Variants in DGKH observed in about 807,000 individuals in gnomAD.
The protein encoded by DGKH is DAG kinase eta.
Under a neutral mutation model 159.3 loss-of-function variants are expected in DGKH, and 90 were observed. The observed-to-expected ratio is 0.57, with a 90% CI of 0.48 to 0.67. DGKH has a LOEUF of 0.67. DGKH is among the 30% of genes least tolerant of loss of function. The probability of loss-of-function intolerance (pLI) is 0.00; values close to 1 mark genes in which losing one functional copy is unlikely to be tolerated. For synonymous variants in DGKH, 536 were observed against 553.8 expected (o/e 0.97, Z 0.45); for missense variants, 1,181 against 1,506.1 (o/e 0.78, Z 3.57).
At chr13:42,047,333 A>G (rs1462187135), upstream of DGKH, among the ~76,000 whole-genome samples, 1 of 152,226 alleles carries the variant, frequency 6.6e-6, no homozygotes, top group Non-Finnish European at 1.5e-5. Context: ...CAAGTTAAAA[A>G]AAAAAATTAG....
intron 3 of DGKH, among the ~76,000 whole-genome samples, chr13:42,143,042 A>G (rs1256405890): frequency 6.6e-6 from 1 of 152,196 alleles, no homozygotes; most frequent in Non-Finnish European, 1.5e-5. Flanking sequence ...TTTGTCATAA[A>G]TAGCTCTTAT....
At chr13:42,174,226 T>C in intron 12 of DGKH, 82 bp downstream of exon 12, 1 of 1,133,580 alleles carries the variant, frequency 8.8e-7, no homozygotes, top group South Asian at 1.3e-5. Context: ...GAAAATGTAC[T>C]CCTAATATAT....
At position 42,163,195 on chromosome 13, in the gene DGKH, T is replaced by C. The variant is rs533066490; in HGVS notation, c.856-2136T>C. Among the ~76,000 whole-genome samples, 1,064 of 151,790 alleles carry C rather than the reference T, an allele frequency of 7.0e-3. 12 individuals carry two copies. Among genetic ancestry groups the C allele is most frequent in the Non-Finnish European group, 0.011 (723 of 67,900 alleles). ...TGTCCCTACAAAGGACATGAACTCA[T>C]CATTTTTTATGGCTGCATAGTATTC... is the stretch of plus-strand genomic sequence containing the variant. On this transcript the variant is annotated intron_variant, in intron 7 of 29. Coordinates refer to ENST00000337343, the MANE Select transcript of DGKH (RefSeq NM_178009.5).
At chr13:42,077,795 T>C (rs1255012253) in intron 1 of DGKH, among the ~76,000 whole-genome samples, 1 of 152,196 alleles carries the variant, frequency 6.6e-6, no homozygotes, top group African/African-American at 2.4e-5. Context: ...TCCAACCAAA[T>C]AGAATTAGGA....
At chr13:42,140,485 G>A (rs1340549766) in intron 3 of DGKH, 1 of 152,230 alleles carries the variant, frequency 6.6e-6, no homozygotes, top group Non-Finnish European at 1.5e-5. Context: ...CTGTGTGGAA[G>A]TAAACTTCTA....
intron 26 of DGKH, 88 bp from the exon 27 acceptor site, chr13:42,219,142 G>C (rs1303798892): frequency 1.3e-6 from 2 of 1,523,928 alleles, no homozygotes; most frequent in Non-Finnish European, 1.8e-6. Context: ...GAGTGAGGCT[G>C]TTCACTGTCA....
chr13:42,170,027 G>A (rs1418991553), intron 11 of DGKH, among the ~76,000 whole-genome samples: 1 of 151,954 alleles, frequency 6.6e-6, no homozygotes, highest in Admixed American at 6.6e-5. Context: ...TTTTTTATTT[G>A]TCAATTATAC....
intron 1 of DGKH, among the ~76,000 whole-genome samples, chr13:42,106,234 C>G (rs1421931381): frequency 6.6e-6 from 1 of 152,154 alleles, no homozygotes; most frequent in Non-Finnish European, 1.5e-5. Context: ...TCTTCAACTC[C>G]TGACCTCAGG....
At position 42,048,874 on chromosome 13, in the gene DGKH, C is replaced by T. The variant is rs1275914278; in HGVS notation, c.101C>T (p.Pro34Leu). ...ACCTCCGCCGCTGCCTCGGCGGGGC[C>T]GGGAGAGGATTCGTCTGACAGCGAA... ...AVTSAAASAG[P>L]GEDSSDSEAE... Residue 34 changes from proline (P) to leucine (L), a missense_variant, in exon 1 of 30, where the codon CCG becomes CTG. This residue lies in a region of DGKH where 136 missense variants were observed against 132.2 expected (regional missense o/e 1.03). Coordinates refer to ENST00000337343, the MANE Select transcript of DGKH (RefSeq NM_178009.5). The surrounding 1 kb of genome is among the most constrained non-coding windows in gnomAD (Gnocchi z 6.7). 13 of 1,374,610 alleles carry T rather than the reference C, an allele frequency of 9.5e-6. No homozygotes were observed. The highest frequency in any genetic ancestry group is 1.2e-5 in the Non-Finnish European group (13 of 1,059,228). The allele number at this position is 1,374,610 out of a possible 1,614,324, so 85.2% of individuals were successfully genotyped here.
rs1366395771 is a variant in DGKH at position 42,189,057 on chromosome 13, C to G, written c.1660C>G (p.Leu554Val). 6.2e-6 allele frequency: 10 copies of G among 1,614,214 alleles called. No individual in the cohort carries two copies. The highest frequency in any genetic ancestry group is 3.3e-5 in the Admixed American group (2 of 60,020). ...TCAGTGTTCAGTCCTAAACGAGAAGCTCGAACAACTGCTGCAGGCTTTGCA... is the reference window on the plus strand; with the variant it reads ...TCAGTGTTCAGTCCTAAACGAGAAGGTCGAACAACTGCTGCAGGCTTTGCA... The part of the protein sequence containing the change: ...ASKCSVLNEK[L>V]EQLLQALHTD... The change falls in exon 15 of 30, where the codon CTC (leucine) becomes GTC (valine). Residue 554 changes from leucine (L) to valine (V), a missense_variant. Around this residue, in one of 5 missense-constraint regions of DGKH, gnomAD observed 257 missense variants for 281.5 expected, o/e 0.91. Transcript: ENST00000337343.
intron 1 of DGKH, among the ~76,000 whole-genome samples, chr13:42,119,211 G>A (rs1476185650): frequency 6.6e-6 from 1 of 152,128 alleles, no homozygotes; most frequent in Non-Finnish European, 1.5e-5. Flanking sequence ...TCTCCTCAAA[G>A]CATCTTGAAA....
chr13:42,146,634 A>C (rs538754545), intron 3 of DGKH, among the ~76,000 whole-genome samples: 4 of 152,364 alleles, frequency 2.6e-5, no homozygotes, highest in African/African-American at 9.6e-5. Context: ...TTCAAGTTTT[A>C]TTCAGTAGGA....
intron 1 of DGKH, among the ~76,000 whole-genome samples, chr13:42,104,063 C>T (rs1249954757): frequency 6.6e-6 from 1 of 152,110 alleles, no homozygotes; most frequent in Non-Finnish European, 1.5e-5. Context: ...GGTATGTGGT[C>T]CTAAGCTGGT....
At chr13:42,150,935 G>A (rs1955863420) in intron 3 of DGKH, among the ~76,000 whole-genome samples, 1 of 151,978 alleles carries the variant, frequency 6.6e-6, no homozygotes, top group Non-Finnish European at 1.5e-5. Flanking sequence ...CAATAAGAGG[G>A]AAGCAAGAGG....
At chr13:42,203,624 C>T (rs911102476) in intron 20 of DGKH, among the ~76,000 whole-genome samples, 3 of 152,122 alleles carry the variant, frequency 2.0e-5, no homozygotes, top group Non-Finnish European at 4.4e-5. Flanking sequence ...ATATATATAG[C>T]TGCAGTTTTG....
intron 3 of DGKH, among the ~76,000 whole-genome samples, chr13:42,151,533 A>G (rs74758238): frequency 2.3e-4 from 10 of 43,622 alleles, no homozygotes; most frequent in African/African-American, 1.6e-4. Context: ...ATACACGTGT[A>G]TATATATATA....
chr13:42,173,960 CGTGCGTGTGT>C, intron 11 of DGKH, 90 bp from the exon 12 acceptor site: 1 of 592,664 alleles, frequency 1.7e-6, no homozygotes, highest in Non-Finnish European at 2.9e-6. Context: ...TGTGTGTGTG[CGTGCGTGTGT>C]GTGTGTGTGT....
At chr13:42,083,552 G>T (rs1005216127) in intron 1 of DGKH, among the ~76,000 whole-genome samples, 4 of 152,188 alleles carry the variant, frequency 2.6e-5, no homozygotes, top group African/African-American at 9.7e-5. Context: ...TAGCGCCGCC[G>T]CTGTAGGCGT....
chr13:42,192,856 C>A (rs950780988), intron 16 of DGKH, among the ~76,000 whole-genome samples: 7 of 152,090 alleles, frequency 4.6e-5, no homozygotes, highest in Admixed American at 4.6e-4. Flanking sequence ...AAATGTGATG[C>A]ACCATTTTAA....
Sources: allele counts gnomAD v4.1 joint callset (sites outside exome capture counted in the v4.1 genomes callset), GRCh38; gene constraint gnomAD v4.1.1; regional missense constraint gnomAD v4.1.1; non-coding constraint Gnocchi (gnomAD v3.1); transcripts MANE v1.5; gene names NCBI Gene and HGNC (gene_info 2026-07-23, HGNC 2026-07-21).